The following HS6ST3 variants were observed in gnomAD, a reference collection of about 807,000 sequenced individuals.
HS6ST3 encodes the protein heparan sulfate 6-O-sulfotransferase 3.
HS6ST3 carries 12 observed loss-of-function variants against 36.7 expected under a neutral mutation model. The ratio of observed to expected loss-of-function variants is 0.33; its 90% CI spans 0.21 to 0.53. The LOEUF is 0.53. Ranked by LOEUF, HS6ST3 falls within the 20% of genes least tolerant of loss-of-function variation. The pLI, the probability that HS6ST3 is intolerant of heterozygous loss-of-function variation, is 0.95. For missense variants in HS6ST3, 584 were observed against 640.9 expected (o/e 0.91, Z 0.96); for synonymous variants, 240 against 257.5 (o/e 0.93, Z 0.65).
intron 1 of HS6ST3, among the ~76,000 whole-genome samples, chr13:96,653,925 T>C (rs2056615868): frequency 6.6e-6 from 1 of 152,228 alleles, no homozygotes; most frequent in Admixed American, 6.5e-5. Context: ...TGGTATGTCA[T>C]TGTGGTTTTG....
chr13:96,684,964 C>T (rs1207042301), intron 1 of HS6ST3, among the ~76,000 whole-genome samples: 2 of 152,026 alleles, frequency 1.3e-5, no homozygotes, highest in African/African-American at 4.8e-5. Context: ...ACACACACAA[C>T]ACAAACATAT....
In HS6ST3 at chr13:96,091,532, G is replaced by A. The variant is rs1566879802; in HGVS notation, c.670G>A (p.Glu224Lys). The part of the protein sequence containing the change: ...ELTNCVPAIM[E>K]KKDCPRNHSH... ...CACCAACTGCGTGCCGGCCATCATG[G>A]AGAAGAAGGACTGTCCCCGCAACCA... Residue 224 changes from glutamate (E) to lysine (K), a missense_variant, in exon 1 of 2, where the codon GAG (glutamate) becomes AAG (lysine). Transcript: ENST00000376705. The A allele has an allele frequency of 1.3e-5, 20 of 1,589,954 alleles. No individual in the cohort carries two copies. The highest frequency in any genetic ancestry group is 1.7e-5 in the Non-Finnish European group (20 of 1,172,550).
At chr13:96,112,026 A>C (rs749865414) in intron 1 of HS6ST3, among the ~76,000 whole-genome samples, 1 of 152,216 alleles carries the variant, frequency 6.6e-6, no homozygotes, top group East Asian at 1.9e-4. Flanking sequence ...GTGATGAGGT[A>C]GAGTTAGTCC....
rs371888908 is a variant in HS6ST3, at chr13:96,522,156, G to A, written c.708-310334G>A. 3.7e-4 allele frequency among the ~76,000 whole-genome samples: 57 copies of A among 152,198 alleles called. No individual in the cohort carries two copies. In the East Asian group the frequency reaches 3.9e-3, roughly 10 times the overall value. The stretch of plus-strand genomic sequence containing the variant: ...TTGTTCAGTTTCCATGTAGTTGTGC[G>A]GTTTTGAGTGAGTTTCTTAATCCTG... On this transcript the variant is annotated intron_variant, in intron 1 of 1. Coordinates refer to ENST00000376705, the MANE Select transcript of HS6ST3 (RefSeq NM_153456.4).
At chr13:96,092,094 T>C (rs1385504543) in intron 1 of HS6ST3, among the ~76,000 whole-genome samples, 1 of 152,164 alleles carries the variant, frequency 6.6e-6, no homozygotes, top group African/African-American at 2.4e-5. Context: ...GTCAATCCTC[T>C]TGATGCCACT....
chr13:96,133,840 T>C (rs905209326), intron 1 of HS6ST3, among the ~76,000 whole-genome samples: 1 of 64,542 alleles, frequency 1.5e-5, no homozygotes, highest in East Asian at 5.0e-4. Flanking sequence ...TTTGAGCTTT[T>C]ATGTTTTTTT....
chr13:96,480,682 T>C (rs1233528482), intron 1 of HS6ST3, among the ~76,000 whole-genome samples: 4 of 152,214 alleles, frequency 2.6e-5, no homozygotes, highest in African/African-American at 9.6e-5. Flanking sequence ...TTCTCTCCAC[T>C]GTGCTACTCC....
intron 1 of HS6ST3, among the ~76,000 whole-genome samples, chr13:96,354,301 A>G (rs777192435): frequency 2.0e-5 from 3 of 152,194 alleles, no homozygotes; most frequent in Non-Finnish European, 4.4e-5. Flanking sequence ...TTGTTTAACA[A>G]TAATGTCAAC....
At chr13:96,831,628 C>G (rs1878783319) in intron 1 of HS6ST3, among the ~76,000 whole-genome samples, 1 of 152,246 alleles carries the variant, frequency 6.6e-6, no homozygotes. Context: ...CCTCAACCAA[C>G]CTACCTCATA....
At chr13:96,395,671 T>A (rs1032128802) in intron 1 of HS6ST3, among the ~76,000 whole-genome samples, 1 of 152,222 alleles carries the variant, frequency 6.6e-6, no homozygotes, top group Admixed American at 6.5e-5. Flanking sequence ...TTGGGGGGTC[T>A]GTGTGGACCC....
chr13:96,216,582 G>A (rs9302098), intron 1 of HS6ST3, among the ~76,000 whole-genome samples: 74,802 of 152,066 alleles, frequency 0.49, 18,611 homozygotes, highest in Admixed American at 0.58. Context: ...AGTGCAAGCT[G>A]AAGTGTCATC....
At chr13:96,214,053 A>G (rs756523643) in intron 1 of HS6ST3, among the ~76,000 whole-genome samples, 48 of 152,222 alleles carry the variant, frequency 3.2e-4, no homozygotes, top group African/African-American at 1.0e-3. Context: ...TCTCATAACC[A>G]GGAAGGAGTT....
intron 1 of HS6ST3, among the ~76,000 whole-genome samples, chr13:96,650,931 G>A (rs2056605194): frequency 6.6e-6 from 1 of 152,058 alleles, no homozygotes; most frequent in Non-Finnish European, 1.5e-5. Flanking sequence ...CTACATCACA[G>A]AAATAGCCTG....
intron 1 of HS6ST3, among the ~76,000 whole-genome samples, chr13:96,789,590 G>T (rs1877731674): frequency 6.6e-6 from 1 of 151,594 alleles, no homozygotes; most frequent in Non-Finnish European, 1.5e-5. Context: ...TTATTTTACA[G>T]CAGGTTTGCT....
chr13:96,603,431 T>A (rs899022136), intron 1 of HS6ST3, among the ~76,000 whole-genome samples: 3 of 152,370 alleles, frequency 2.0e-5, no homozygotes, highest in Admixed American at 6.5e-5. Flanking sequence ...TTGCCTATAT[T>A]ATACCATTGT....
At chr13:96,560,439 A>T (rs1038248486) in intron 1 of HS6ST3, among the ~76,000 whole-genome samples, 1 of 152,126 alleles carries the variant, frequency 6.6e-6, no homozygotes, top group Non-Finnish European at 1.5e-5. Flanking sequence ...GAAAAACTGG[A>T]AGCATTCCCC....
intron 1 of HS6ST3, among the ~76,000 whole-genome samples, chr13:96,524,086 G>C (rs936594012): frequency 1.3e-5 from 2 of 152,162 alleles, no homozygotes; most frequent in Non-Finnish European, 2.9e-5. Context: ...ATTCCTTTCT[G>C]TTTGTTAGTT....
chr13:96,749,755 T>C (rs1043799672), intron 1 of HS6ST3, among the ~76,000 whole-genome samples: 7 of 152,146 alleles, frequency 4.6e-5, no homozygotes, highest in Admixed American at 2.6e-4. Context: ...TTAAATCTTT[T>C]TGAGTCAATT....
At chr13:96,793,563 T>C (rs1343607938) in intron 1 of HS6ST3, among the ~76,000 whole-genome samples, 1 of 152,046 alleles carries the variant, frequency 6.6e-6, no homozygotes, top group Admixed American at 6.6e-5. Context: ...GGAGGGTTGG[T>C]GAGTGGTGGG....
Sources: allele counts gnomAD v4.1 joint callset (sites outside exome capture counted in the v4.1 genomes callset), GRCh38; gene constraint gnomAD v4.1.1; transcripts MANE v1.5; gene names NCBI Gene and HGNC (gene_info 2026-07-23, HGNC 2026-07-21).